Variants in RASAL2 observed in about 807,000 individuals in gnomAD.
RASAL2 encodes ras GTPase-activating protein nGAP.
RASAL2 carries 58 observed loss-of-function variants against 128.9 expected under a neutral mutation model. The ratio of observed to expected loss-of-function variants is 0.45; its 90% confidence interval spans 0.36 to 0.56. RASAL2 has a LOEUF of 0.56. RASAL2 is among the 20% of genes least tolerant of loss of function. RASAL2 has a pLI of 0.00. For synonymous variants in RASAL2, 561 were observed against 580.8 expected, an observed-to-expected ratio of 0.97 and a Z score of 0.49; for missense variants, 1,360 against 1,601.6, an observed-to-expected ratio of 0.85 and a Z score of 2.57.
At chr1:178,196,765 G>T (rs1662673324) in intron 1 of RASAL2, among the ~76,000 whole-genome samples, 1 of 152,118 alleles carries the variant, frequency 6.6e-6, no homozygotes, top group African/African-American at 2.4e-5. Flanking sequence ...GACTGTAAAA[G>T]ACTTCAAGTG....
chr1:178,343,050 A>G (rs1012023106), intron 3 of RASAL2, among the ~76,000 whole-genome samples: 5 of 152,208 alleles, frequency 3.3e-5, no homozygotes, highest in African/African-American at 1.2e-4. Context: ...GCTAAATAGT[A>G]AAGATAGCCA....
chr1:178,361,352 G>T (rs966318886), intron 3 of RASAL2, among the ~76,000 whole-genome samples: 1 of 151,866 alleles, frequency 6.6e-6, no homozygotes, highest in African/African-American at 2.4e-5. Flanking sequence ...GGTGATAAAT[G>T]TATTGAACAT....
chr1:178,176,925 C>A (rs1328112807), intron 1 of RASAL2, among the ~76,000 whole-genome samples: 1 of 152,052 alleles, frequency 6.6e-6, no homozygotes, highest in Non-Finnish European at 1.5e-5. Flanking sequence ...GCTGGGATTA[C>A]AGGCGTGAGC....
At chr1:178,327,591 A>G (rs1030525144) in intron 3 of RASAL2, among the ~76,000 whole-genome samples, 1 of 152,068 alleles carries the variant, frequency 6.6e-6, no homozygotes, top group African/African-American at 2.4e-5. Flanking sequence ...GGCTCAAGCA[A>G]TCTACCTGCA....
chr1:178,218,210 C>T (rs1663491237), intron 1 of RASAL2, among the ~76,000 whole-genome samples: 1 of 152,194 alleles, frequency 6.6e-6, no homozygotes, highest in South Asian at 2.1e-4. Flanking sequence ...GAATCAGCTT[C>T]TTCCAGATAC....
Position 178,474,586 on chromosome 1 carries a change from C to T in RASAL2, c.*1347C>T, listed in dbSNP as rs1028130987. Reference sequence around the variant, plus strand: ...TATAGAACAGAAAAAGTCATGGAAACGAATTCATTTCCTTTTTTCCAGAGG... The same window carrying T: ...TATAGAACAGAAAAAGTCATGGAAATGAATTCATTTCCTTTTTTCCAGAGG... On this transcript the variant is annotated 3_prime_UTR_variant, in exon 18 of 18. Transcript: ENST00000367649. 3 of 151,974 alleles carry T rather than the reference C, an allele frequency of 2.0e-5. No individual in the cohort carries two copies. Among genetic ancestry groups the T allele is most frequent in the African/African-American group, 4.8e-5 (2 of 41,366 alleles). 9.4% of individuals were successfully genotyped at this position (151,974 alleles called of 1,614,324 possible).
Position 178,166,743 on chromosome 1 carries a change from A to G in RASAL2, c.202+72049A>G, listed in dbSNP as rs779179789. Among the ~76,000 whole-genome samples the G allele has an allele frequency of 6.6e-5, 10 of 152,168 alleles. No individual in the cohort carries two copies. In the South Asian group the frequency reaches 1.0e-3, roughly 16 times the overall value. Reference sequence around the variant, plus strand: ...TCAAATATGAAGACTATACATTAGGAGTATTTTTTCGTGTACTAGGTAAGT... The same window carrying G: ...TCAAATATGAAGACTATACATTAGGGGTATTTTTTCGTGTACTAGGTAAGT... On this transcript the variant is annotated intron_variant, in intron 1 of 17. Transcript: ENST00000367649.
intron 1 of RASAL2, among the ~76,000 whole-genome samples, chr1:178,233,756 A>G (rs902527378): frequency 2.0e-5 from 3 of 152,148 alleles, no homozygotes; most frequent in Admixed American, 6.5e-5. Flanking sequence ...GGCCAACTTC[A>G]CTTGGGTCAG....
chr1:178,313,584 G>A (rs1668361181), intron 3 of RASAL2, among the ~76,000 whole-genome samples: 1 of 151,824 alleles, frequency 6.6e-6, no homozygotes, highest in Non-Finnish European at 1.5e-5. Flanking sequence ...TCAAACTCCT[G>A]GGCTCAAGCA....
intron 3 of RASAL2, among the ~76,000 whole-genome samples, chr1:178,379,684 A>G (rs961520739): frequency 6.6e-6 from 1 of 152,230 alleles, no homozygotes; most frequent in African/African-American, 2.4e-5. Flanking sequence ...ACAGGTGGAC[A>G]TGGTTCCCTT....
intron 1 of RASAL2, among the ~76,000 whole-genome samples, chr1:178,095,087 G>T (rs1658623791): frequency 6.6e-6 from 1 of 152,160 alleles, no homozygotes; most frequent in South Asian, 2.1e-4. Context: ...TGGAAACCAA[G>T]ATATTATGAA....
chr1:178,373,948 G>A (rs993233634), intron 3 of RASAL2, among the ~76,000 whole-genome samples: 4 of 152,036 alleles, frequency 2.6e-5, no homozygotes, highest in African/African-American at 4.8e-5. Context: ...TCCACCCAAT[G>A]GAAGCTTCAG....
intron 1 of RASAL2, among the ~76,000 whole-genome samples, chr1:178,274,154 A>G (rs1260545032): frequency 6.6e-6 from 1 of 152,170 alleles, no homozygotes; most frequent in Non-Finnish European, 1.5e-5. Flanking sequence ...TTTCTAATGT[A>G]GCCTGCCTTC....
intron 3 of RASAL2, among the ~76,000 whole-genome samples, chr1:178,326,398 C>G (rs191277686): frequency 1.4e-3 from 212 of 152,144 alleles, no homozygotes; most frequent in Middle Eastern, 3.4e-3. Flanking sequence ...TTTTTAGACT[C>G]TAAGAAGTCA....
At chr1:178,127,005 A>G (rs1659926403) in intron 1 of RASAL2, among the ~76,000 whole-genome samples, 1 of 152,148 alleles carries the variant, frequency 6.6e-6, no homozygotes, top group African/African-American at 2.4e-5. Context: ...TTTCTGAAAT[A>G]CTTAAGGTAG....
intron 6 of RASAL2, among the ~76,000 whole-genome samples, chr1:178,439,996 TCC>T (rs1676521819): frequency 6.7e-6 from 1 of 150,184 alleles, no homozygotes; most frequent in Non-Finnish European, 1.5e-5. Flanking sequence ...CATCCATCCA[TCC>T]ATCCATCCAT....
intron 1 of RASAL2, among the ~76,000 whole-genome samples, chr1:178,128,399 T>C (rs1466566032): frequency 1.3e-5 from 2 of 152,178 alleles, no homozygotes; most frequent in Non-Finnish European, 2.9e-5. Context: ...AGAATTCTAC[T>C]TGTTAGTTTG....
At chr1:178,134,719 A>G (rs1388433457) in intron 1 of RASAL2, among the ~76,000 whole-genome samples, 1 of 152,204 alleles carries the variant, frequency 6.6e-6, no homozygotes, top group East Asian at 1.9e-4. Context: ...AATTTCAAAC[A>G]GGTGGGATCA....
At position 178,467,394 on chromosome 1, in the gene RASAL2, T is replaced by C. The variant is rs2281352; in HGVS notation, c.3651T>C (p.Asp1217=). 16 of 1,614,006 alleles carry C rather than the reference T, an allele frequency of 9.9e-6. No individual in the cohort carries two copies. The East Asian group carries it at 3.6e-4, about 36-fold the overall frequency. Residue 1217 remains aspartate (D), a synonymous_variant, in exon 17 of 18, where the codon GAT becomes GAC. Transcript: ENST00000367649. The part of the protein sequence containing the change: ...KDHAEMQAVI[D]AKQKIIDAQE... ...ATGCTGAGATGCAAGCAGTTATTGA[T>C]GCAAAGCAGAAAATAATTGATGCAC...
Sources: gnomAD v4.1 joint callset for allele counts (sites outside exome capture counted in the v4.1 genomes callset) on GRCh38, gnomAD v4.1.1 for gene constraint, MANE v1.5 for transcripts, NCBI Gene and HGNC (gene_info 2026-07-23, HGNC 2026-07-21) for gene names.